The following NRCAM variants were observed in gnomAD, a reference collection of about 807,000 sequenced individuals.
The protein encoded by NRCAM is neuronal cell adhesion molecule.
In NRCAM, 83 loss-of-function variants were observed where a neutral mutation model predicts 156.5. The ratio of observed to expected loss-of-function variants is 0.53; its 90% confidence interval spans 0.44 to 0.64. The LOEUF (loss-of-function observed/expected upper bound fraction) is 0.64. Among genes scored for constraint, NRCAM ranks in the 30% least tolerant of loss-of-function variants. NRCAM has a pLI of 0.00. For synonymous variants in NRCAM, 538 were observed against 563.9 expected (o/e 0.95, Z 0.65); for missense variants, 1,417 against 1,597.3 (o/e 0.89, Z 1.92).
At chr7:108,190,601 G>A (rs564889234) in intron 19 of NRCAM, among the ~76,000 whole-genome samples, 8 of 152,064 alleles carry the variant, frequency 5.3e-5, no homozygotes, top group Non-Finnish European at 1.0e-4. Flanking sequence ...ATTGATTTTT[G>A]TATTGACGTA....
At chr7:108,428,245 G>A (rs10240397) in intron 1 of NRCAM, among the ~76,000 whole-genome samples, 136,853 of 152,218 alleles carry the variant, frequency 0.9, 61,992 homozygotes, top group East Asian at 1. Flanking sequence ...GAAAAGAAAA[G>A]GTGGCCTTTA....
intron 3 of NRCAM, among the ~76,000 whole-genome samples, chr7:108,302,066 C>T (rs2098632526): frequency 6.6e-6 from 1 of 151,240 alleles, no homozygotes; most frequent in Non-Finnish European, 1.5e-5. Flanking sequence ...AAAAAAAAAC[C>T]CACAACAAAT....
chr7:108,171,949 T>G (rs1478774086), intron 28 of NRCAM, among the ~76,000 whole-genome samples: 4 of 152,196 alleles, frequency 2.6e-5, no homozygotes, highest in Non-Finnish European at 5.9e-5. Context: ...GAGAGTCAGA[T>G]CACAGAAGGG....
At chr7:108,218,394 A>AC (rs1182844042) in intron 11 of NRCAM, among the ~76,000 whole-genome samples, 2 of 152,166 alleles carry the variant, frequency 1.3e-5, no homozygotes, top group African/African-American at 2.4e-5. Flanking sequence ...CTTTCTAGCC[A>AC]CCCAGAATAC....
At chr7:108,405,328 T>C (rs2099804233) in intron 1 of NRCAM, among the ~76,000 whole-genome samples, 1 of 152,264 alleles carries the variant, frequency 6.6e-6, no homozygotes, top group Non-Finnish European at 1.5e-5. Flanking sequence ...TTCTTTGTTC[T>C]GAACATGTTT....
intron 3 of NRCAM, among the ~76,000 whole-genome samples, chr7:108,283,481 C>T (rs1458544987): frequency 1.3e-5 from 2 of 152,218 alleles, no homozygotes; most frequent in East Asian, 3.9e-4. Context: ...GCACTTGTTC[C>T]AGGAAAGGAA....
chr7:108,266,914 A>G (rs1191640939), intron 3 of NRCAM, among the ~76,000 whole-genome samples: 1 of 152,216 alleles, frequency 6.6e-6, no homozygotes, highest in Non-Finnish European at 1.5e-5. Context: ...CCCGCTAACA[A>G]GTTATCCTAT....
intron 2 of NRCAM, among the ~76,000 whole-genome samples, chr7:108,367,110 A>C (rs1283746402): frequency 1.3e-5 from 2 of 152,212 alleles, no homozygotes; most frequent in Non-Finnish European, 2.9e-5. Context: ...TGGGAAAGTG[A>C]AAGTGACTTT....
chr7:108,271,593 C>T (rs978878764), intron 3 of NRCAM, among the ~76,000 whole-genome samples: 18 of 151,470 alleles, frequency 1.2e-4, no homozygotes, highest in Admixed American at 5.9e-4. Flanking sequence ...CTTGGGAGGC[C>T]GAGGCAGGAG....
In NRCAM at chr7:108,272,859, C is replaced by T. The variant is rs193038206; in HGVS notation, c.-106-32689G>A. 1.4e-4 allele frequency among the ~76,000 whole-genome samples: 21 copies of T among 152,040 alleles called. 1 individual carries two copies. In the East Asian group the frequency reaches 3.7e-3, roughly 27 times the overall value. ...TGTTGGTTTGCTGCACCTATCAACT[C>T]GTCATTTAAGTATTTCTCCTAACGC... On this transcript the variant is annotated intron_variant, in intron 3 of 32. Coordinates refer to ENST00000379028, the MANE Select transcript of NRCAM (RefSeq NM_001037132.4).
At chr7:108,453,211 A>T (rs1186621259) in intron 1 of NRCAM, among the ~76,000 whole-genome samples, 1 of 152,204 alleles carries the variant, frequency 6.6e-6, no homozygotes, top group Non-Finnish European at 1.5e-5. Flanking sequence ...GTAGAGTTCC[A>T]TTCAACAGCT....
rs751515843 is a variant in NRCAM at position 108,223,745 on chromosome 7, C to T, written c.870G>A (p.Leu290=). The change falls in exon 11 of 33, where the codon CTG becomes CTA. Residue 290 remains leucine (L), a synonymous_variant. Transcript: ENST00000379028. ...KEELRGNVLS[L]ECIAEGLPTP... Reference sequence around the variant, plus strand: ...CTCACAGTCCTTCTGCAATGCACTCCAGTGAAAGCACATTTCCTCTTAATT... The same window carrying T: ...CTCACAGTCCTTCTGCAATGCACTCTAGTGAAAGCACATTTCCTCTTAATT... 25 of 1,584,582 alleles carry T rather than the reference C, an allele frequency of 1.6e-5. No individual in the cohort carries two copies. Among genetic ancestry groups the T allele is most frequent in the African/African-American group, 2.7e-5 (2 of 74,280 alleles).
intron 3 of NRCAM, among the ~76,000 whole-genome samples, chr7:108,293,680 C>T (rs1410918874): frequency 6.6e-6 from 1 of 152,172 alleles, no homozygotes; most frequent in Non-Finnish European, 1.5e-5. Flanking sequence ...AATTCACAGA[C>T]ATTTTTATCA....
Position 108,328,890 on chromosome 7 carries a change from A to T in NRCAM, c.-173-16159T>A, listed in dbSNP as rs138164742. Among the ~76,000 whole-genome samples the T allele has an allele frequency of 7.2e-5, 11 of 152,250 alleles. No individual in the cohort carries two copies. In the East Asian group the frequency reaches 2.1e-3, roughly 29 times the overall value. On this transcript the variant is annotated intron_variant, in intron 2 of 32. Coordinates refer to ENST00000379028, the MANE Select transcript of NRCAM (RefSeq NM_001037132.4). ...TTTTAGAATGGCCATCTGGGTTTTT[A>T]TTCCTTTTGACAAGACACAATAACT...
chr7:108,173,763 T>C (rs1300370826), intron 28 of NRCAM, among the ~76,000 whole-genome samples: 1 of 152,198 alleles, frequency 6.6e-6, no homozygotes, highest in Admixed American at 6.5e-5. Context: ...CATTTTTGCT[T>C]GTCTCTCTAA....
intron 3 of NRCAM, among the ~76,000 whole-genome samples, chr7:108,278,352 T>G (rs1349499770): frequency 6.6e-6 from 1 of 152,220 alleles, no homozygotes; most frequent in Non-Finnish European, 1.5e-5. Flanking sequence ...AGAGGTGGTA[T>G]CTAGAGAGGC....
intron 1 of NRCAM, among the ~76,000 whole-genome samples, chr7:108,429,378 G>T (rs1821861507): frequency 6.6e-6 from 1 of 152,146 alleles, no homozygotes; most frequent in Non-Finnish European, 1.5e-5. Context: ...TATTAGTAGA[G>T]ACATGGCTTT....
intron 13 of NRCAM, among the ~76,000 whole-genome samples, chr7:108,199,495 G>C (rs189523491): frequency 1.3e-5 from 2 of 152,232 alleles, no homozygotes; most frequent in Admixed American, 6.5e-5. Flanking sequence ...TGCGTGAGCA[G>C]AGCTGCGTCG....
chr7:108,210,835 TG>T (rs1298226823), intron 11 of NRCAM, among the ~76,000 whole-genome samples: 1 of 152,190 alleles, frequency 6.6e-6, no homozygotes, highest in Non-Finnish European at 1.5e-5. Context: ...GAAGAAAATA[TG>T]GTCCAGGCCC....
Sources: gnomAD v4.1 joint callset for allele counts (sites outside exome capture counted in the v4.1 genomes callset) on GRCh38, gnomAD v4.1.1 for gene constraint, MANE v1.5 for transcripts, NCBI Gene and HGNC (gene_info 2026-07-23, HGNC 2026-07-21) for gene names.